Variants in GATA4 observed in about 807,000 individuals in gnomAD.
The protein encoded by GATA4 is GATA binding protein 4.
Under a neutral mutation model 37.9 loss-of-function variants are expected in GATA4, and 7 were observed. The ratio of observed to expected loss-of-function variants is 0.18; its 90% CI spans 0.11 to 0.35. The LOEUF is 0.35. Among genes scored for constraint, GATA4 ranks in the 10% least tolerant of loss-of-function variants. The pLI is 1.00. For synonymous variants in GATA4, 372 were observed against 292.6 expected (o/e 1.27, Z -2.77); for missense variants, 647 against 653.0 (o/e 0.99, Z 0.10).
intron 2 of GATA4, among the ~76,000 whole-genome samples, chr8:11,711,604 C>A (rs1157441889): frequency 6.6e-6 from 1 of 151,960 alleles, no homozygotes; most frequent in Non-Finnish European, 1.5e-5. Context: ...ATAGTGAGAC[C>A]CCATCCCTAC....
At chr8:11,680,745 C>T (rs1374659228) in intron 1 of GATA4, 1 of 985,248 alleles carries the variant, frequency 1.0e-6, no homozygotes, top group Non-Finnish European at 1.2e-6. Flanking sequence ...GCGAGGAGAG[C>T]CCGGCTTCTG....
intron 2 of GATA4, among the ~76,000 whole-genome samples, chr8:11,727,086 C>G (rs1478242334): frequency 1.3e-5 from 2 of 152,190 alleles, no homozygotes; most frequent in African/African-American, 4.8e-5. Flanking sequence ...TCATAACAAA[C>G]GTCACAGGGA....
intron 1 of GATA4, among the ~76,000 whole-genome samples, chr8:11,679,199 T>C (rs1798875768): frequency 6.8e-6 from 1 of 147,188 alleles, no homozygotes; most frequent in Non-Finnish European, 1.5e-5. Context: ...CACTTTCGCC[T>C]GAATTATCTA....
chr8:11,699,013 C>T (rs1484750467), intron 1 of GATA4, among the ~76,000 whole-genome samples: 3 of 152,178 alleles, frequency 2.0e-5, no homozygotes, highest in Admixed American at 6.5e-5. Flanking sequence ...TCTCCATCTC[C>T]GAGCAACTTT....
At chr8:11,721,910 G>C (rs1800693983) in intron 2 of GATA4, among the ~76,000 whole-genome samples, 1 of 152,200 alleles carries the variant, frequency 6.6e-6, no homozygotes, top group Non-Finnish European at 1.5e-5. Context: ...GAGGTGAAGA[G>C]GAAGGGCTCA....
At chr8:11,747,454 T>C (rs925962915) in intron 2 of GATA4, among the ~76,000 whole-genome samples, 1 of 152,228 alleles carries the variant, frequency 6.6e-6, no homozygotes, top group Non-Finnish European at 1.5e-5. Context: ...GCTACGCTTA[T>C]GTGAGCAGCT....
intron 2 of GATA4, among the ~76,000 whole-genome samples, chr8:11,742,697 C>T (rs948792999): frequency 2.6e-5 from 4 of 152,256 alleles, no homozygotes; most frequent in African/African-American, 7.2e-5. Flanking sequence ...AGGCATCTGC[C>T]GAGCCTGACG....
At chr8:11,704,472 C>T (rs1424441778) in intron 1 of GATA4, among the ~76,000 whole-genome samples, 168 bp downstream of exon 1, 1 of 152,250 alleles carries the variant, frequency 6.6e-6, no homozygotes, top group Non-Finnish European at 1.5e-5. Context: ...TTTGACTTTG[C>T]CTTAGCAACT....
At chr8:11,731,589 G>A (rs943787351) in intron 2 of GATA4, among the ~76,000 whole-genome samples, 11 of 152,212 alleles carry the variant, frequency 7.2e-5, no homozygotes, top group African/African-American at 2.4e-4. Flanking sequence ...ATCGGGGTGC[G>A]GGAGGATGGG....
chr8:11,748,135 G>T (rs754242239), intron 2 of GATA4, among the ~76,000 whole-genome samples: 2 of 152,144 alleles, frequency 1.3e-5, no homozygotes, highest in African/African-American at 2.4e-5. Context: ...GGAGAATCGC[G>T]TGAACGTGGG....
At chr8:11,715,315 C>A (rs1485354382) in intron 2 of GATA4, among the ~76,000 whole-genome samples, 1 of 152,200 alleles carries the variant, frequency 6.6e-6, no homozygotes, top group African/African-American at 2.4e-5. Context: ...GGGACTTTCA[C>A]TATGCATGCC....
In GATA4 at chr8:11,709,836, G is replaced by T. The variant is rs922832969; in HGVS notation, c.616+908G>T. On this transcript the variant is annotated intron_variant, in intron 2 of 6. Transcript: ENST00000532059. The surrounding 1 kb of genome is among the most constrained non-coding windows in gnomAD (Gnocchi z 4.3). ...ATAAACGCAGCGGGATCTGAGAAGG[G>T]GCCTGAGTACACGGGCCGGGGGAGA... Among the ~76,000 whole-genome samples, 1 of 152,140 alleles carries T rather than the reference G, an allele frequency of 6.6e-6. No homozygotes were observed. Among genetic ancestry groups the T allele is most frequent in the African/African-American group, 2.4e-5 (1 of 41,436 alleles).
intron 2 of GATA4, among the ~76,000 whole-genome samples, chr8:11,715,269 G>T (rs537670800): frequency 2.0e-4 from 30 of 152,300 alleles, no homozygotes; most frequent in African/African-American, 5.5e-4. Flanking sequence ...TGCCTGTGGG[G>T]AGGAAAGCGG....
At position 11,708,713 on chromosome 8, in the gene GATA4, G is replaced by C. The variant is rs1457412422; in HGVS notation, c.401G>C (p.Ser134Thr). Residue 134 changes from serine to threonine, a missense_variant, in exon 2 of 7, where the codon AGT (serine) becomes ACT (threonine). Physicochemically the swap from Ser to Thr is moderately conservative, Grantham distance 58. Coordinates refer to ENST00000532059, the MANE Select transcript of GATA4 (RefSeq NM_001308093.3). The surrounding 1 kb of genome is among the most constrained non-coding windows in gnomAD (Gnocchi z 6.7). ...GCCCGGGAAGCTGCGGCCTACAGCA[G>C]TGGCGGCGGAGCGGCGGGTGCGGGC... is the stretch of plus-strand genomic sequence containing the variant. ...AAAREAAAYS[S>T]GGGAAGAGLA... 1 of 1,271,278 alleles carries C rather than the reference G, an allele frequency of 7.9e-7. No individual in the cohort carries two copies. The highest frequency in any genetic ancestry group is 9.8e-7 in the Non-Finnish European group (1 of 1,015,574). The allele number at this position is 1,271,278 out of a possible 1,614,324, so 78.7% of individuals were successfully genotyped here.
chr8:11,733,651 A>G (rs768526504), intron 2 of GATA4, among the ~76,000 whole-genome samples: 9 of 152,248 alleles, frequency 5.9e-5, no homozygotes, highest in Non-Finnish European at 1.3e-4. Context: ...CTCTTCGAAG[A>G]GAGAAGTAGA....
chr8:11,758,170 C>G, intron 6 of GATA4, 123 bp from the exon 7 acceptor site: 2 of 908,338 alleles, frequency 2.2e-6, no homozygotes, highest in African/African-American at 1.6e-5. Flanking sequence ...GCTCCTTGGT[C>G]CCTTCCTGAG....
At chr8:11,736,848 C>T (rs188309734) in intron 2 of GATA4, among the ~76,000 whole-genome samples, 1 of 152,332 alleles carries the variant, frequency 6.6e-6, no homozygotes, top group East Asian at 1.9e-4. Flanking sequence ...TCTGGTCTAA[C>T]ACCTTCCTTT....
chr8:11,687,023 A>G (rs1264363082), intron 1 of GATA4, among the ~76,000 whole-genome samples: 1 of 151,756 alleles, frequency 6.6e-6, no homozygotes, highest in Non-Finnish European at 1.5e-5. Flanking sequence ...ATCCTCAACC[A>G]CAGTTGTTTA....
upstream of GATA4, among the ~76,000 whole-genome samples, chr8:11,687,925 G>A (rs1391038089): frequency 6.6e-6 from 1 of 152,188 alleles, no homozygotes; most frequent in Non-Finnish European, 1.5e-5. Context: ...GTCACTCCAT[G>A]AGTTCATGGA....
Sources: gnomAD v4.1 joint callset for allele counts (sites outside exome capture counted in the v4.1 genomes callset) on GRCh38, gnomAD v4.1.1 for gene constraint, Gnocchi (gnomAD v3.1) non-coding constraint, MANE v1.5 for transcripts, NCBI Gene and HGNC (gene_info 2026-07-23, HGNC 2026-07-21) for gene names.